The following SLC36A1 variants were observed in gnomAD, a reference collection of about 807,000 sequenced individuals.
SLC36A1 encodes the protein solute carrier family 36 member 1, also known as proton-coupled amino acid transporter 1.
SLC36A1 carries 30 observed loss-of-function variants against 47.5 expected under a neutral mutation model. The observed-to-expected ratio is 0.63, with a 90% CI of 0.47 to 0.86. The LOEUF is 0.86. Ranked by LOEUF, SLC36A1 falls within the 40% of genes least tolerant of loss-of-function variation. The pLI, the probability that SLC36A1 is intolerant of heterozygous loss-of-function variation, is 0.00. For missense variants in SLC36A1, 517 were observed against 606.0 expected (o/e 0.85, Z 1.54); for synonymous variants, 255 against 249.7 (o/e 1.02, Z -0.20).
At chr5:151,471,304 C>T (rs761962535) in intron 7 of SLC36A1, among the ~76,000 whole-genome samples, 30 of 152,290 alleles carry the variant, frequency 2.0e-4, no homozygotes, top group South Asian at 1.4e-3. Context: ...ATGTTAATAA[C>T]GAGCTGATTT....
the SLC36A1 span, chr5:151,521,762 T>G: frequency 1.2e-6 from 2 of 1,614,030 alleles, no homozygotes; most frequent in Non-Finnish European, 1.7e-6. Context: ...CCAGCAGTCG[T>G]GGTGAAGGTC....
the SLC36A1 span, chr5:151,543,384 G>T: frequency 6.2e-7 from 1 of 1,614,120 alleles, no homozygotes; most frequent in Non-Finnish European, 8.5e-7. Context: ...ACTGTGGGGG[G>T]TTGTCATTTT....
chr5:151,367,839 G>A, the SLC36A1 span, among the ~76,000 whole-genome samples: 1 of 152,270 alleles, frequency 6.6e-6, no homozygotes, highest in South Asian at 2.1e-4. Context: ...CGTAACAGTA[G>A]AACATTTGAA....
chr5:151,502,534 A>AT, the SLC36A1 span, among the ~76,000 whole-genome samples: 1 of 148,228 alleles, frequency 6.7e-6, no homozygotes, highest in East Asian at 1.9e-4. Flanking sequence ...TCAAAAAAAA[A>AT]GCACATGAAA....
intron 3 of SLC36A1, among the ~76,000 whole-genome samples, chr5:151,463,846 C>T (rs1375459213): frequency 6.6e-6 from 1 of 152,200 alleles, no homozygotes; most frequent in African/African-American, 2.4e-5. Context: ...GTTCTAAGCT[C>T]TTAGAATACA....
chr5:151,549,252 A>G, the SLC36A1 span: 2 of 1,577,372 alleles, frequency 1.3e-6, no homozygotes, highest in East Asian at 2.3e-5. Flanking sequence ...TTATTTCTAA[A>G]GCATCTTGAC....
intron 2 of SLC36A1, 107 bp downstream of exon 2, chr5:151,459,042 A>C (rs56026426): frequency 0.22 from 288,970 of 1,286,074 alleles, 34,358 homozygotes; most frequent in East Asian, 0.41. Flanking sequence ...TTACAGATGA[A>C]GGTCAGCAGT....
At chr5:151,393,606 T>A in the SLC36A1 span, among the ~76,000 whole-genome samples, 1 of 152,194 alleles carries the variant, frequency 6.6e-6, no homozygotes, top group Non-Finnish European at 1.5e-5. Flanking sequence ...TGGTGATGAC[T>A]AAATCTCTCA....
At chr5:151,534,970 AATATATATATATAT>A in the SLC36A1 span, among the ~76,000 whole-genome samples, 471 of 106,420 alleles carry the variant, frequency 4.4e-3, 7 homozygotes, top group African/African-American at 0.012. Flanking sequence ...CTTCTAGGAA[AATATATATATATAT>A]ATATATATAT....
intron 8 of SLC36A1, 22 bp downstream of exon 8, chr5:151,473,793 G>A: frequency 6.4e-7 from 1 of 1,569,860 alleles, no homozygotes; most frequent in Non-Finnish European, 8.8e-7. Context: ...ACTGTGATTT[G>A]GGCTAGTGTT....
At chr5:151,525,601 G>T in the SLC36A1 span, among the ~76,000 whole-genome samples, 1 of 152,180 alleles carries the variant, frequency 6.6e-6, no homozygotes, top group Non-Finnish European at 1.5e-5. Flanking sequence ...AACTATACCT[G>T]CCCTGAGTGT....
chr5:151,544,863 G>A, the SLC36A1 span: 1 of 1,614,156 alleles, frequency 6.2e-7, no homozygotes. Flanking sequence ...CCTGAAAGAG[G>A]ACATCCCCTG....
the SLC36A1 span, chr5:151,528,068 G>T: frequency 1.9e-6 from 3 of 1,614,242 alleles, no homozygotes; most frequent in South Asian, 1.1e-5. Context: ...GCCCAAGCTG[G>T]TTCCCTCCTA....
chr5:151,426,194 A>G, the SLC36A1 span, among the ~76,000 whole-genome samples: 255 of 152,304 alleles, frequency 1.7e-3, 1 homozygote, highest in Non-Finnish European at 2.7e-3. Context: ...GGTGTTTCTC[A>G]TCAGGTGGGA....
At chr5:151,518,616 C>T in the SLC36A1 span, among the ~76,000 whole-genome samples, 1 of 152,068 alleles carries the variant, frequency 6.6e-6, no homozygotes, top group Non-Finnish European at 1.5e-5. Context: ...AGGTCAAGAG[C>T]CACTCTATGA....
At chr5:151,463,016 C>A (rs1292694062) in intron 2 of SLC36A1, among the ~76,000 whole-genome samples, 1 of 152,118 alleles carries the variant, frequency 6.6e-6, no homozygotes, top group Non-Finnish European at 1.5e-5. Context: ...GCTGGGATTA[C>A]AGGCACATGC....
At position 151,488,302 on chromosome 5, in the gene SLC36A1, C is replaced by T. The variant is rs1759833649; in HGVS notation, c.*48C>T. 5 of 1,592,708 alleles carry T rather than the reference C, an allele frequency of 3.1e-6. No individual in the cohort carries two copies. The highest frequency in any genetic ancestry group is 4.3e-6 in the Non-Finnish European group (5 of 1,167,796). On this transcript the variant is annotated 3_prime_UTR_variant, in exon 11 of 11. Coordinates refer to ENST00000243389, the MANE Select transcript of SLC36A1 (RefSeq NM_078483.4). ...CTGCCTACCCCTGCCCCATGTGTCC[C>T]CCGTTACCTGTCCTCAGAGCCTCAG...
In SLC36A1 at chr5:151,489,171, C is replaced by T. The variant is rs1218395522; in HGVS notation, c.*917C>T. On this transcript the variant is annotated 3_prime_UTR_variant, in exon 11 of 11. Coordinates refer to ENST00000243389, the MANE Select transcript of SLC36A1 (RefSeq NM_078483.4). This position sits in a 1 kb window ranked among gnomAD's most constrained non-coding sequence, Gnocchi z 4.5. Reference sequence around the variant, plus strand: ...CGGTGAGGAGGCACAGATTTTGCCTCCTGTTGACCAGCCTGGTTTCATACC... The same window carrying T: ...CGGTGAGGAGGCACAGATTTTGCCTTCTGTTGACCAGCCTGGTTTCATACC... 1 of 152,118 alleles carries T rather than the reference C, an allele frequency of 6.6e-6. No individual in the cohort carries two copies. The highest frequency in any genetic ancestry group is 2.4e-5 in the African/African-American group (1 of 41,414). 9.4% of individuals were successfully genotyped at this position (152,118 alleles called of 1,614,324 possible).
At chr5:151,483,519 G>C (rs11959634) in intron 10 of SLC36A1, among the ~76,000 whole-genome samples, 2 of 109,494 alleles carry the variant, frequency 1.8e-5, no homozygotes, top group Admixed American at 8.0e-5. Context: ...TGTGTGTGTG[G>C]GGGGGGTGAT....
Sources: gnomAD v4.1 joint callset for allele counts (sites outside exome capture counted in the v4.1 genomes callset) on GRCh38, gnomAD v4.1.1 for gene constraint, Gnocchi (gnomAD v3.1) non-coding constraint, MANE v1.5 for transcripts, NCBI Gene and HGNC (gene_info 2026-07-23, HGNC 2026-07-21) for gene names.